SHISA4: variants seen among roughly 807,000 people sequenced by gnomAD.
SHISA4 encodes shisa family member 4.
SHISA4 carries 16 observed loss-of-function variants against 24.2 expected under a neutral mutation model. The observed-to-expected ratio is 0.66, with a 90% CI of 0.45 to 1.00. The LOEUF is 1.00. SHISA4 is among the 50% of genes least tolerant of loss of function. SHISA4 has a pLI of 0.00. For synonymous variants in SHISA4, 106 were observed against 105.4 expected (o/e 1.01, Z -0.04); for missense variants, 238 against 258.9 (o/e 0.92, Z 0.55).
At chr1:201,889,158 C>T (rs1681043252) in intron 1 of SHISA4, 91 bp downstream of exon 1, 3 of 1,227,578 alleles carry the variant, frequency 2.4e-6, no homozygotes, top group Admixed American at 5.9e-5. Context: ...GGGGCTTCTC[C>T]GAGACCCTCC....
Position 201,889,014 on chromosome 1 carries a change from G to A in SHISA4, c.20G>A (p.Arg7His). 2 of 1,378,544 alleles carry A rather than the reference G, an allele frequency of 1.5e-6. No individual in the cohort carries two copies. Among genetic ancestry groups the A allele is most frequent in the Non-Finnish European group, 1.9e-6 (2 of 1,066,076 alleles). 85.4% of individuals were successfully genotyped at this position (1,378,544 alleles called of 1,614,324 possible). A position where few individuals can be genotyped will look rare whatever the true frequency, so the allele number is the denominator to read the frequency against. Reference protein sequence around the residue: MPPAGLRRAAPLTAIAL... With the variant: MPPAGLHRAAPLTAIAL... ...CCCACCATGCCACCCGCGGGGCTCC[G>A]CCGGGCCGCGCCGCTCACCGCAATC... The change falls in exon 1 of 5, where the codon CGC (arginine) becomes CAC (histidine). Residue 7 changes from arginine (R) to histidine (H), a missense_variant. Physicochemically the swap from Arg to His is conservative, Grantham distance 29 (BLOSUM62 0). Coordinates refer to ENST00000362011, the MANE Select transcript of SHISA4 (RefSeq NM_198149.3).
chr1:201,890,298 C>G (rs1030363335), intron 2 of SHISA4, among the ~76,000 whole-genome samples, 156 bp from the exon 3 acceptor site: 1 of 152,180 alleles, frequency 6.6e-6, no homozygotes, highest in Non-Finnish European at 1.5e-5. Context: ...TGGAGGTCCT[C>G]TAAGATCTCC....
upstream of SHISA4, chr1:201,888,888 G>C (rs988184552): frequency 5.6e-6 from 4 of 709,180 alleles, no homozygotes; most frequent in African/African-American, 3.7e-5. Context: ...CGGAAGAGGA[G>C]CCCGAGCCTG....
chr1:201,888,761 GC>G (rs1681033762), upstream of SHISA4: 4 of 369,954 alleles, frequency 1.1e-5, no homozygotes, highest in Non-Finnish European at 1.4e-5. Context: ...TGGGTGAGGG[GC>G]ACCCAGCTCC....
chr1:201,890,433 G>C, intron 2 of SHISA4, 21 bp from the exon 3 acceptor site: 1 of 1,613,368 alleles, frequency 6.2e-7, no homozygotes, highest in East Asian at 2.2e-5. Context: ...GAAGGTGAGA[G>C]GACCTGTTCT....
In SHISA4 at chr1:201,888,972, C is replaced by T. The variant is rs1330507602; in HGVS notation, c.-23C>T. ...CGGTCCCTTCTCTGGGAGGCCCGAC[C>T]CCGGCCGCGCCCAGCCCCCACCATG... On this transcript the variant is annotated 5_prime_UTR_variant, in exon 1 of 5. Transcript: ENST00000362011. The T allele has an allele frequency of 2.2e-6, 3 of 1,377,814 alleles. No individual in the cohort carries two copies. In the East Asian group the frequency reaches 9.2e-5, roughly 42 times the overall value. 85.3% of individuals were successfully genotyped at this position (1,377,814 alleles called of 1,614,324 possible).
chr1:201,889,403 C>T (rs1166353677), intron 1 of SHISA4, 42 bp from the exon 2 acceptor site: 3 of 1,605,262 alleles, frequency 1.9e-6, no homozygotes, highest in Non-Finnish European at 2.5e-6. Flanking sequence ...TGGGGATGAA[C>T]TGGCCTGGTG....
chr1:201,889,778 G>A (rs1002705073), intron 2 of SHISA4, among the ~76,000 whole-genome samples, 162 bp downstream of exon 2: 3 of 152,214 alleles, frequency 2.0e-5, no homozygotes, highest in Non-Finnish European at 2.9e-5. Flanking sequence ...TAGGTGCTTA[G>A]GTGCTGGTGC....
chr1:201,889,426 C>T lies in SHISA4; in HGVS notation c.74-19C>T. 6.2e-7 allele frequency: 1 copy of T among 1,609,976 alleles called. No homozygotes were observed. Among genetic ancestry groups the T allele is most frequent in the African/African-American group, 1.3e-5 (1 of 75,014 alleles). ...AACTGGCCTGGTGGCCACTGGGCAC[C>T]CCCAATCCCTGCCCGCAGTGCTGGC... On this transcript the variant is annotated intron_variant, in intron 1 of 4. Coordinates refer to ENST00000362011, the MANE Select transcript of SHISA4 (RefSeq NM_198149.3).
chr1:201,891,935 C>T lies in SHISA4; in HGVS notation c.*89C>T. On this transcript the variant is annotated 3_prime_UTR_variant, in exon 5 of 5. Coordinates refer to ENST00000362011, the MANE Select transcript of SHISA4 (RefSeq NM_198149.3). ...TACCTGCATCTGGTCCTGGGGGTGG[C>T]AGGAGTCCTCCAGCCACCAGGCCCC... 2.0e-6 allele frequency: 3 copies of T among 1,515,348 alleles called. No homozygotes were observed. Among genetic ancestry groups the T allele is most frequent in the East Asian group, 2.3e-5 (1 of 44,350 alleles). The allele number at this position is 1,515,348 out of a possible 1,614,324, so 93.9% of individuals were successfully genotyped here.
chr1:201,889,660 T>A, intron 2 of SHISA4, 44 bp downstream of exon 2: 1 of 1,601,190 alleles, frequency 6.2e-7, no homozygotes, highest in Non-Finnish European at 8.5e-7. Flanking sequence ...TCTATCCTTT[T>A]CTCCAGAGGC....
chr1:201,889,383 C>T (rs1412785394), intron 1 of SHISA4, 62 bp from the exon 2 acceptor site: 35 of 1,593,614 alleles, frequency 2.2e-5, no homozygotes, highest in Non-Finnish European at 2.7e-5. Context: ...GGAGTGGGGC[C>T]GAGCGCGGCT....
intron 3 of SHISA4, 125 bp from the exon 4 acceptor site, chr1:201,891,276 A>C: frequency 8.5e-7 from 1 of 1,174,994 alleles, no homozygotes; most frequent in Non-Finnish European, 1.2e-6. Context: ...GTGGGAGGCA[A>C]AGATGGCCAG....
At chr1:201,891,067 C>T (rs1681086981) in intron 3 of SHISA4, among the ~76,000 whole-genome samples, 1 of 152,080 alleles carries the variant, frequency 6.6e-6, no homozygotes, top group South Asian at 2.1e-4. Flanking sequence ...AGGAGAAGAC[C>T]CTCTTAGTGG....
At chr1:201,891,735 C>T in intron 4 of SHISA4, 65 bp from the exon 5 acceptor site, 1 of 1,595,040 alleles carries the variant, frequency 6.3e-7, no homozygotes, top group Non-Finnish European at 8.6e-7. Flanking sequence ...GCCCCGGGGG[C>T]AGGGGTGTTA....
Position 201,891,781 on chromosome 1 carries a change from C to T in SHISA4, c.548-19C>T, listed in dbSNP as rs769462297. 6.2e-7 allele frequency: 1 copy of T among 1,613,980 alleles called. No individual in the cohort carries two copies. Among genetic ancestry groups the T allele is most frequent in the East Asian group, 2.2e-5 (1 of 44,894 alleles). ...ACCTATGCCACCACTCACCCTCATC[C>T]TGTCTCTTTGGCTTTCAGCTCCTCC... On this transcript the variant is annotated intron_variant, in intron 4 of 4. Coordinates refer to ENST00000362011, the MANE Select transcript of SHISA4 (RefSeq NM_198149.3).
intron 3 of SHISA4, 68 bp downstream of exon 3, chr1:201,890,655 A>C (rs774003201): frequency 2.2e-5 from 35 of 1,581,974 alleles, no homozygotes; most frequent in Non-Finnish European, 2.8e-5. Context: ...GGCAGCAGAG[A>C]GTTCATGGAT....
rs1167800036 is a variant in SHISA4 at position 201,892,045 on chromosome 1, G to T, written c.*199G>T. ...CTGAACTAGAACTATGAGGGGTTGG[G>T]GGGAGGGCTTGGAATTATGGGCTAT... On this transcript the variant is annotated 3_prime_UTR_variant, in exon 5 of 5. Transcript: ENST00000362011. 4.8e-6 allele frequency: 3 copies of T among 623,742 alleles called. No homozygotes were observed. Among genetic ancestry groups the T allele is most frequent in the East Asian group, 2.8e-5 (1 of 35,912 alleles). The allele number at this position is 623,742 out of a possible 1,614,324, so 38.6% of individuals were successfully genotyped here. A position where few individuals can be genotyped will look rare whatever the true frequency, so the allele number is the denominator to read the frequency against.
chr1:201,891,312 C>A, intron 3 of SHISA4, 89 bp from the exon 4 acceptor site: 1 of 1,532,670 alleles, frequency 6.5e-7, no homozygotes, highest in Non-Finnish European at 9.0e-7. Flanking sequence ...AGGCCAGCAC[C>A]AGGGTGCTTA....
Sources: allele counts gnomAD v4.1 joint callset (sites outside exome capture counted in the v4.1 genomes callset), GRCh38; gene constraint gnomAD v4.1.1; transcripts MANE v1.5; gene names NCBI Gene and HGNC (gene_info 2026-07-23, HGNC 2026-07-21).